Variants in CA10 observed in about 807,000 individuals in gnomAD.
The protein encoded by CA10 is carbonic anhydrase 10 (inactive), also known as carbonic anhydrase-related protein 10.
Under a neutral mutation model 44.2 loss-of-function variants are expected in CA10, and 14 were observed. That is an observed-to-expected ratio of 0.32 (90% CI 0.21 to 0.50). CA10 has a LOEUF of 0.50. Ranked by LOEUF, CA10 falls within the 20% of genes least tolerant of loss-of-function variation. CA10 has a pLI of 0.99. For synonymous variants in CA10, 159 were observed against 141.6 expected, an observed-to-expected ratio of 1.12 and a Z score of -0.87; for missense variants, 350 against 409.7, an observed-to-expected ratio of 0.85 and a Z score of 1.26.
intron 4 of CA10, among the ~76,000 whole-genome samples, chr17:51,680,851 T>G (rs536196172): frequency 6.6e-6 from 1 of 152,204 alleles, no homozygotes; most frequent in South Asian, 2.1e-4. Context: ...TAGTGATGAA[T>G]GGAGACCAAG....
intron 4 of CA10, among the ~76,000 whole-genome samples, chr17:51,692,553 T>G (rs1359872965): frequency 1.3e-5 from 2 of 152,186 alleles, no homozygotes; most frequent in Admixed American, 6.5e-5. Context: ...CTTGCTTAAT[T>G]GCTCATGACC....
At chr17:51,902,932 G>A (rs1373018128) in intron 3 of CA10, among the ~76,000 whole-genome samples, 1 of 152,156 alleles carries the variant, frequency 6.6e-6, no homozygotes, top group Non-Finnish European at 1.5e-5. Context: ...ACATAATGAA[G>A]TGTCGTGGCT....
rs1917996 is a variant in CA10 at position 51,689,830 on chromosome 17, G to A, written c.466-36094C>T. Among the ~76,000 whole-genome samples, 222 of 152,058 alleles carry A rather than the reference G, an allele frequency of 1.5e-3. 2 individuals are homozygous for A. The highest frequency in any genetic ancestry group is 5.3e-3 in the African/African-American group (220 of 41,438). ...AATGAAAATTCAATATGTTTATTGT[G>A]TGCAATGTGATAATGTTTTGAAATA... On this transcript the variant is annotated intron_variant, in intron 4 of 8. Coordinates refer to ENST00000451037, the MANE Select transcript of CA10 (RefSeq NM_020178.5).
chr17:51,810,434 G>A (rs2143737459), intron 3 of CA10, among the ~76,000 whole-genome samples: 1 of 152,262 alleles, frequency 6.6e-6, no homozygotes. Flanking sequence ...GCAGTGAGAT[G>A]GGCCTTAAAG....
intron 2 of CA10, among the ~76,000 whole-genome samples, chr17:51,977,883 G>A (rs909159868): frequency 5.3e-5 from 8 of 151,964 alleles, no homozygotes; most frequent in African/African-American, 1.2e-4. Flanking sequence ...TCTATATACC[G>A]GCAATAAACA....
At chr17:51,682,127 A>G (rs1322133614) in intron 4 of CA10, among the ~76,000 whole-genome samples, 1 of 152,202 alleles carries the variant, frequency 6.6e-6, no homozygotes. Flanking sequence ...TTCTCTAGGT[A>G]GGGACCACCT....
At chr17:51,911,299 G>T (rs531823736) in intron 3 of CA10, among the ~76,000 whole-genome samples, 2 of 152,106 alleles carry the variant, frequency 1.3e-5, no homozygotes, top group Non-Finnish European at 2.9e-5. Context: ...TTTTGTGGTG[G>T]ATAGATAGCG....
chr17:51,962,971 G>C (rs1949640634), intron 2 of CA10, among the ~76,000 whole-genome samples: 1 of 152,116 alleles, frequency 6.6e-6, no homozygotes, highest in African/African-American at 2.4e-5. Context: ...CATGTATTGA[G>C]AGGAAGCTCA....
At chr17:52,157,311 C>T (rs765904293) in intron 1 of CA10, among the ~76,000 whole-genome samples, 1 of 152,106 alleles carries the variant, frequency 6.6e-6, no homozygotes, top group African/African-American at 2.4e-5. Flanking sequence ...TGGTTAGATA[C>T]CCGGGCAGGG....
chr17:51,682,259 T>G (rs536537884), intron 4 of CA10, among the ~76,000 whole-genome samples: 2 of 152,290 alleles, frequency 1.3e-5, no homozygotes, highest in South Asian at 4.1e-4. Flanking sequence ...GCAGCCACAC[T>G]GATAAGATGG....
intron 3 of CA10, among the ~76,000 whole-genome samples, chr17:51,766,653 A>C (rs1905395376): frequency 1.3e-5 from 2 of 152,088 alleles, no homozygotes; most frequent in Admixed American, 1.3e-4. Context: ...GCTTATTTTT[A>C]TTTCTCCAAC....
chr17:52,090,491 C>A (rs1988230439), intron 1 of CA10, among the ~76,000 whole-genome samples: 1 of 151,964 alleles, frequency 6.6e-6, no homozygotes, highest in African/African-American at 2.4e-5. Context: ...GTGTAAATAT[C>A]AAAATCTACA....
chr17:51,989,169 T>TA (rs201390036), intron 2 of CA10, among the ~76,000 whole-genome samples: 3 of 151,410 alleles, frequency 2.0e-5, no homozygotes, highest in African/African-American at 7.3e-5. Context: ...TTTTTTTTTT[T>TA]AACTTTTAAG....
intron 6 of CA10, among the ~76,000 whole-genome samples, chr17:51,637,830 A>C (rs1912902057): frequency 6.6e-6 from 1 of 152,246 alleles, no homozygotes; most frequent in Non-Finnish European, 1.5e-5. Flanking sequence ...TCATTTTTTC[A>C]TTCAACGATT....
chr17:52,139,770 C>A (rs1002764102), intron 1 of CA10, among the ~76,000 whole-genome samples: 2 of 152,054 alleles, frequency 1.3e-5, no homozygotes, highest in East Asian at 3.9e-4. Context: ...GTGCCTGTCT[C>A]CTCTCAATAG....
intron 3 of CA10, among the ~76,000 whole-genome samples, chr17:51,820,961 T>C (rs1907758370): frequency 6.6e-6 from 1 of 151,732 alleles, no homozygotes; most frequent in South Asian, 2.1e-4. Flanking sequence ...GTGGAACTCC[T>C]TAGTAGAAGA....
chr17:51,954,141 A>G (rs1983581691), intron 2 of CA10, among the ~76,000 whole-genome samples: 1 of 152,156 alleles, frequency 6.6e-6, no homozygotes, highest in South Asian at 2.1e-4. Flanking sequence ...TTTGACAGAA[A>G]GGAAAACTGA....
At chr17:51,876,558 G>A (rs1407719044) in intron 3 of CA10, among the ~76,000 whole-genome samples, 1 of 151,962 alleles carries the variant, frequency 6.6e-6, no homozygotes, top group African/African-American at 2.4e-5. Context: ...GGAATGTCCT[G>A]TGCATTGCAG....
At chr17:51,798,598 G>A (rs1015286505) in intron 3 of CA10, among the ~76,000 whole-genome samples, 2 of 152,220 alleles carry the variant, frequency 1.3e-5, no homozygotes, top group Non-Finnish European at 2.9e-5. Flanking sequence ...TTGATAAAAT[G>A]TCAAGATAGA....
Sources: allele counts gnomAD v4.1 joint callset (sites outside exome capture counted in the v4.1 genomes callset), GRCh38; gene constraint gnomAD v4.1.1; transcripts MANE v1.5; gene names NCBI Gene and HGNC (gene_info 2026-07-23, HGNC 2026-07-21).